The following RINT1 variants were observed in gnomAD, a reference collection of about 807,000 sequenced individuals.
RINT1 encodes RAD50-interacting protein 1.
RINT1 carries 75 observed loss-of-function variants against 97.7 expected under a neutral mutation model. The observed-to-expected ratio is 0.77, with a 90% CI of 0.64 to 0.93. The LOEUF (loss-of-function observed/expected upper bound fraction) is 0.93, where lower values mean the gene tolerates loss of function less well. RINT1 is among the 40% of genes least tolerant of loss of function. RINT1 has a pLI of 0.00. For synonymous variants in RINT1, 303 were observed against 326.3 expected (o/e 0.93, Z 0.77); for missense variants, 892 against 925.2 (o/e 0.96, Z 0.47).
intron 2 of RINT1, 150 bp downstream of exon 2, chr7:105,533,019 A>C: frequency 1.4e-6 from 1 of 732,158 alleles, no homozygotes. Context: ...TGACCATGAT[A>C]CACATATTTT....
intron 7 of RINT1, 59 bp downstream of exon 7, chr7:105,548,769 T>C (rs1790796286): frequency 6.8e-7 from 1 of 1,474,516 alleles, no homozygotes. Context: ...AGAGTTTCTA[T>C]ACCTTTGCTG....
chr7:105,563,200 A>C (rs1368111968), intron 11 of RINT1, among the ~76,000 whole-genome samples: 1 of 152,234 alleles, frequency 6.6e-6, no homozygotes, highest in East Asian at 1.9e-4. Context: ...AAATGTCCAG[A>C]ACAGGCAAAT....
At chr7:105,539,473 G>A (rs946128555) in intron 3 of RINT1, among the ~76,000 whole-genome samples, 2 of 149,044 alleles carry the variant, frequency 1.3e-5, no homozygotes, top group African/African-American at 2.5e-5. Flanking sequence ...TGATTCTCCC[G>A]CCTCAGGCTC....
Position 105,542,495 on chromosome 7 carries a change from C to T in RINT1, c.361C>T (p.Leu121=), listed in dbSNP as rs1031603218. 6.2e-7 allele frequency: 1 copy of T among 1,614,086 alleles called. No individual in the cohort carries two copies. The highest frequency in any genetic ancestry group is 8.5e-7 in the Non-Finnish European group (1 of 1,179,988). Residue 121 remains leucine, a synonymous_variant, in exon 4 of 15, where the codon CTG becomes TTG. Coordinates refer to ENST00000257700, the MANE Select transcript of RINT1 (RefSeq NM_021930.6). ...EESKQFLNQF[L]EQETHLFSAI... Reference sequence around the variant, plus strand: ...ATCAAAGCAATTTCTTAATCAGTTTCTGGAGCAGGAAACTCATCTCTTCAG... The same window carrying T: ...ATCAAAGCAATTTCTTAATCAGTTTTTGGAGCAGGAAACTCATCTCTTCAG...
rs1210400761 is a variant in RINT1 at position 105,532,360 on chromosome 7, G to T, written c.42+3G>T. ...TCGGCGCCTCTCCTGCAGCCCCGGT[G>T]AGACGGCCCTGGCGTCCCTGGGAGG... On this transcript the variant is annotated splice_donor_region_variant and intron_variant, in intron 1 of 14. Coordinates refer to ENST00000257700, the MANE Select transcript of RINT1 (RefSeq NM_021930.6). 6.2e-7 allele frequency: 1 copy of T among 1,601,594 alleles called. No homozygotes were observed.
intron 6 of RINT1, among the ~76,000 whole-genome samples, chr7:105,547,718 C>CTTTTTTTTT: frequency 8.6e-6 from 1 of 116,182 alleles, no homozygotes; most frequent in Non-Finnish European, 1.7e-5. Flanking sequence ...CATTTTTGTG[C>CTTTTTTTTT]TTTTTTTTTT....
chr7:105,546,817 A>T, intron 4 of RINT1, 93 bp from the exon 5 acceptor site: 1 of 850,710 alleles, frequency 1.2e-6, no homozygotes, highest in African/African-American at 1.7e-5. Context: ...CAGAATTTGC[A>T]TTGAGCCAAA....
At chr7:105,552,635 G>A (rs1790977908) in intron 10 of RINT1, among the ~76,000 whole-genome samples, 1 of 137,672 alleles carries the variant, frequency 7.3e-6, no homozygotes, top group Admixed American at 7.5e-5. Context: ...ACCTGAAGAA[G>A]TATCATTCCA....
intron 2 of RINT1, among the ~76,000 whole-genome samples, chr7:105,535,028 C>A (rs1562838565): frequency 6.6e-6 from 1 of 151,898 alleles, no homozygotes; most frequent in Non-Finnish European, 1.5e-5. Flanking sequence ...TATTAATAAG[C>A]CTAATGTGTA....
At chr7:105,542,891 G>GTCT (rs548416720) in intron 4 of RINT1, among the ~76,000 whole-genome samples, 37,431 of 147,368 alleles carry the variant, frequency 0.25, 5,569 homozygotes, top group African/African-American at 0.42. Flanking sequence ...AAACTTTTAA[G>GTCT]TTTTTTTTTT....
intron 4 of RINT1, among the ~76,000 whole-genome samples, chr7:105,543,748 A>G (rs907888402): frequency 5.3e-5 from 8 of 152,088 alleles, no homozygotes; most frequent in African/African-American, 1.9e-4. Context: ...TTTCTTGCAT[A>G]TATTTCCCAA....
intron 12 of RINT1, among the ~76,000 whole-genome samples, chr7:105,564,817 A>G (rs780263927): frequency 9.2e-5 from 14 of 152,144 alleles, no homozygotes; most frequent in Non-Finnish European, 1.9e-4. Context: ...CCTGGCCAAC[A>G]TGGCGAAACC....
intron 3 of RINT1, among the ~76,000 whole-genome samples, chr7:105,539,308 C>T (rs1020883524): frequency 6.6e-6 from 1 of 151,354 alleles, no homozygotes; most frequent in Non-Finnish European, 1.5e-5. Context: ...ACCAAGTCAT[C>T]TGAGTTCAGC....
chr7:105,551,361 T>C (rs1162569403), intron 9 of RINT1, among the ~76,000 whole-genome samples: 1 of 152,194 alleles, frequency 6.6e-6, no homozygotes, highest in African/African-American at 2.4e-5. Context: ...GTAGCTTATC[T>C]AGTCAACATA....
intron 11 of RINT1, among the ~76,000 whole-genome samples, chr7:105,559,458 A>T (rs1235021451): frequency 1.4e-5 from 2 of 143,528 alleles, no homozygotes; most frequent in African/African-American, 5.1e-5. Context: ...GGAGAATTGC[A>T]TGAACCTGGG....
rs147896708 is a variant in RINT1 at position 105,561,141 on chromosome 7, C to G, written c.1672-2592C>G. Among the ~76,000 whole-genome samples, 30 of 151,422 alleles carry G rather than the reference C, an allele frequency of 2.0e-4. No homozygotes were observed. In the East Asian group the frequency reaches 5.8e-3, roughly 29 times the overall value. Reference sequence around the variant, plus strand: ...CCTTGGCAAGGTGATTTATTTAGTCCTCTGTTAATTTTGGAAAAATAAAAT... The same window carrying G: ...CCTTGGCAAGGTGATTTATTTAGTCGTCTGTTAATTTTGGAAAAATAAAAT... On this transcript the variant is annotated intron_variant, in intron 11 of 14. Transcript: ENST00000257700.
At chr7:105,560,682 T>G (rs73192141) in intron 11 of RINT1, among the ~76,000 whole-genome samples, 20,789 of 152,196 alleles carry the variant, frequency 0.14, 1,727 homozygotes, top group South Asian at 0.24. Context: ...CAACTGAAAA[T>G]TCTTAAGAAA....
chr7:105,543,377 G>A (rs1790538891), intron 4 of RINT1, among the ~76,000 whole-genome samples: 1 of 152,174 alleles, frequency 6.6e-6, no homozygotes, highest in Admixed American at 6.5e-5. Flanking sequence ...GAGCTACACA[G>A]TATTCTTGGA....
At chr7:105,560,142 C>T (rs1791374439) in intron 11 of RINT1, among the ~76,000 whole-genome samples, 1 of 152,196 alleles carries the variant, frequency 6.6e-6, no homozygotes, top group Non-Finnish European at 1.5e-5. Flanking sequence ...CGTGTGGCCA[C>T]AGGTGGTTCC....
Sources: gnomAD v4.1 joint callset for allele counts (sites outside exome capture counted in the v4.1 genomes callset) on GRCh38, gnomAD v4.1.1 for gene constraint, MANE v1.5 for transcripts, NCBI Gene and HGNC (gene_info 2026-07-23, HGNC 2026-07-21) for gene names.